Variants in CCSER1 observed in about 807,000 individuals in gnomAD.
CCSER1 encodes the protein coiled-coil serine rich protein 1, also known as serine-rich coiled-coil domain-containing protein 1.
A neutral mutation model predicts 82.0 loss-of-function variants in CCSER1; 41 were observed. The ratio of observed to expected loss-of-function variants is 0.50; its 90% CI spans 0.39 to 0.65. The LOEUF is 0.65. Ranked by LOEUF, CCSER1 falls within the 30% of genes least tolerant of loss-of-function variation. CCSER1 has a pLI of 0.00. For synonymous variants in CCSER1, 414 were observed against 383.9 expected, an observed-to-expected ratio of 1.08 and a Z score of -0.92; for missense variants, 1,119 against 1,064.2, an observed-to-expected ratio of 1.05 and a Z score of -0.72.
At chr4:91,024,051 C>T (rs1435395657) in intron 9 of CCSER1, among the ~76,000 whole-genome samples, 1 of 152,134 alleles carries the variant, frequency 6.6e-6, no homozygotes, top group Non-Finnish European at 1.5e-5. Context: ...AGGAGACTGA[C>T]AGTGCTAACA....
chr4:90,891,432 A>T (rs964993285), intron 8 of CCSER1, among the ~76,000 whole-genome samples: 1 of 151,578 alleles, frequency 6.6e-6, no homozygotes, highest in Non-Finnish European at 1.5e-5. Context: ...TATATATTAT[A>T]TACATATCTA....
At chr4:91,482,933 A>G (rs940171994) in intron 10 of CCSER1, among the ~76,000 whole-genome samples, 1 of 151,146 alleles carries the variant, frequency 6.6e-6, no homozygotes, top group Non-Finnish European at 1.5e-5. Flanking sequence ...ATCACACACC[A>G]GGGCCTGTTG....
chr4:90,456,177 G>C (rs917170127), intron 4 of CCSER1, among the ~76,000 whole-genome samples: 95 of 152,306 alleles, frequency 6.2e-4, no homozygotes, highest in African/African-American at 2.2e-3. Context: ...GGTGGGGAAG[G>C]TGCCTGGGGA....
At chr4:90,794,669 T>C (rs1408837644) in intron 7 of CCSER1, among the ~76,000 whole-genome samples, 1 of 152,172 alleles carries the variant, frequency 6.6e-6, no homozygotes, top group African/African-American at 2.4e-5. Context: ...CTTGTTCCAT[T>C]TGAATTTTAA....
At chr4:91,564,931 T>A (rs139869936) in intron 10 of CCSER1, among the ~76,000 whole-genome samples, 28 of 152,080 alleles carry the variant, frequency 1.8e-4, no homozygotes, top group African/African-American at 6.0e-4. Context: ...ATAAAATCCT[T>A]GCCTGTTCCT....
At chr4:91,297,215 T>C (rs1019796199) in intron 10 of CCSER1, among the ~76,000 whole-genome samples, 18 of 151,858 alleles carry the variant, frequency 1.2e-4, no homozygotes, top group Non-Finnish European at 7.4e-5. Flanking sequence ...CTCCTCTCTT[T>C]TAATAAACTT....
rs377502826 is a variant in CCSER1, at chr4:91,362,482, T to C, written c.2218-236090T>C. The stretch of plus-strand genomic sequence containing the variant: ...CACAGCCACCTTACTAGTTTATATA[T>C]GTATAAGAAAGAAACATATTTTATT... On this transcript the variant is annotated intron_variant, in intron 10 of 10. Transcript: ENST00000509176. Among the ~76,000 whole-genome samples the C allele has an allele frequency of 9.5e-4, 144 of 152,006 alleles. 1 individual carries two copies. Among genetic ancestry groups the C allele is most frequent in the African/African-American group, 3.3e-3 (139 of 41,532 alleles).
At chr4:90,902,215 G>C (rs1724765691) in intron 8 of CCSER1, among the ~76,000 whole-genome samples, 1 of 150,784 alleles carries the variant, frequency 6.6e-6, no homozygotes, top group South Asian at 2.1e-4. Flanking sequence ...TGGTTTCTTT[G>C]TGCTGAATTT....
chr4:90,995,135 T>C (rs1737380439), intron 9 of CCSER1, among the ~76,000 whole-genome samples: 1 of 152,186 alleles, frequency 6.6e-6, no homozygotes, highest in Admixed American at 6.6e-5. Context: ...ACTTTACAGA[T>C]GCATAAAGTT....
chr4:91,299,484 A>G (rs1279596662), intron 10 of CCSER1, among the ~76,000 whole-genome samples: 1 of 152,028 alleles, frequency 6.6e-6, no homozygotes, highest in African/African-American at 2.4e-5. Context: ...TAATTTATTT[A>G]GTACTTACCT....
intron 8 of CCSER1, among the ~76,000 whole-genome samples, chr4:90,879,693 G>GAAGAAGAGGAAGA (rs1721001858): frequency 6.6e-6 from 1 of 152,008 alleles, no homozygotes; most frequent in South Asian, 2.1e-4. Context: ...AGAAGAGGAA[G>GAAGAAGAGGAAGA]AAGAAGAGGA....
Position 91,003,872 on chromosome 4 carries a change from GA to G in CCSER1, c.2172+80426del, listed in dbSNP as rs1484598880. ...GCAGGGAAGAAATGGCCTGCTAGGG[GA>G]CCCAGCAAGCCCACAGGGCTTTTCC... On this transcript the variant is annotated intron_variant, in intron 9 of 10. Transcript: ENST00000509176. Among the ~76,000 whole-genome samples the G allele has an allele frequency of 2.0e-5, 3 of 152,168 alleles. No homozygotes were observed. The East Asian group carries it at 5.8e-4, about 29-fold the overall frequency.
chr4:90,385,144 G>A (rs1749820844), intron 3 of CCSER1, among the ~76,000 whole-genome samples: 1 of 152,084 alleles, frequency 6.6e-6, no homozygotes, highest in Non-Finnish European at 1.5e-5. Context: ...TGGACACTTA[G>A]ATTCATTCCA....
intron 5 of CCSER1, among the ~76,000 whole-genome samples, chr4:90,529,729 T>G (rs1201865546): frequency 6.6e-6 from 1 of 152,108 alleles, no homozygotes; most frequent in Non-Finnish European, 1.5e-5. Context: ...TTCAATTTCT[T>G]AAAATAATAA....
chr4:91,156,380 C>T lies in CCSER1; in HGVS notation c.2217+70386C>T, dbSNP rs538350048. Among the ~76,000 whole-genome samples, 4 of 151,658 alleles carry T rather than the reference C, an allele frequency of 2.6e-5. No homozygotes were observed. In the South Asian group the frequency reaches 8.3e-4, roughly 32 times the overall value. On this transcript the variant is annotated intron_variant, in intron 10 of 10. Transcript: ENST00000509176. Reference sequence around the variant, plus strand: ...TCCTTCACTTTAATAATGAAAAACTCCCTACTTTTAAAAAAATTTTACAAC... The same window carrying T: ...TCCTTCACTTTAATAATGAAAAACTTCCTACTTTTAAAAAAATTTTACAAC...
chr4:90,804,182 A>C (rs942707356), intron 7 of CCSER1, among the ~76,000 whole-genome samples: 1 of 152,132 alleles, frequency 6.6e-6, no homozygotes, highest in African/African-American at 2.4e-5. Flanking sequence ...CTCTGATGAT[A>C]GCTTCTTTTG....
intron 10 of CCSER1, among the ~76,000 whole-genome samples, chr4:91,350,905 A>C (rs1197946886): frequency 6.6e-6 from 1 of 152,014 alleles, no homozygotes; most frequent in Non-Finnish European, 1.5e-5. Context: ...TTAGTCTTAA[A>C]ACATATTATT....
rs1330414921 is a variant in CCSER1 at position 90,630,541 on chromosome 4, T to C, written c.1932+2309T>C. ...GAGAATTGATTTTTTAAAGCTGATG[T>C]AGAGTGAACAATACTTAATATATGT... is the stretch of plus-strand genomic sequence containing the variant. On this transcript the variant is annotated intron_variant, in intron 6 of 10. Transcript: ENST00000509176. Among the ~76,000 whole-genome samples the C allele has an allele frequency of 2.6e-5, 4 of 152,156 alleles. No homozygotes were observed. The East Asian group carries it at 7.7e-4, about 29-fold the overall frequency.
chr4:91,418,634 C>T (rs1186549723), intron 10 of CCSER1, among the ~76,000 whole-genome samples: 3 of 151,932 alleles, frequency 2.0e-5, no homozygotes, highest in African/African-American at 4.8e-5. Context: ...TACAGGTTAA[C>T]TCTACCAAGC....
Sources: gnomAD v4.1 joint callset for allele counts (sites outside exome capture counted in the v4.1 genomes callset) on GRCh38, gnomAD v4.1.1 for gene constraint, MANE v1.5 for transcripts, NCBI Gene and HGNC (gene_info 2026-07-23, HGNC 2026-07-21) for gene names.